KLHL1: variants seen among roughly 807,000 people sequenced by gnomAD.
KLHL1 encodes the protein kelch like family member 1.
Under a neutral mutation model 77.7 loss-of-function variants are expected in KLHL1, and 47 were observed. The observed-to-expected ratio is 0.60, with a 90% CI of 0.48 to 0.77. The LOEUF (loss-of-function observed/expected upper bound fraction) is 0.77, where lower values mean the gene tolerates loss of function less well. Ranked by LOEUF, KLHL1 falls within the 30% of genes least tolerant of loss-of-function variation. KLHL1 has a pLI of 0.00. For synonymous variants in KLHL1, 360 were observed against 325.2 expected, an observed-to-expected ratio of 1.11 and a Z score of -1.15; for missense variants, 925 against 910.8, an observed-to-expected ratio of 1.02 and a Z score of -0.20.
At chr13:69,752,664 A>T (rs932119630) in intron 7 of KLHL1, among the ~76,000 whole-genome samples, 1 of 152,180 alleles carries the variant, frequency 6.6e-6, no homozygotes, top group Non-Finnish European at 1.5e-5. Context: ...ACAAGCTCCA[A>T]TGGGAGATAT....
chr13:69,887,825 A>G (rs1230929117), intron 4 of KLHL1, among the ~76,000 whole-genome samples: 1 of 152,120 alleles, frequency 6.6e-6, no homozygotes, highest in African/African-American at 2.4e-5. Context: ...TGCCCTTTAC[A>G]GTTTGTTCAA....
chr13:69,871,188 G>A (rs887691794), intron 5 of KLHL1, among the ~76,000 whole-genome samples: 6 of 152,208 alleles, frequency 3.9e-5, no homozygotes, highest in South Asian at 2.1e-4. Context: ...TGTGCCCTCC[G>A]GAACAATGGC....
At chr13:69,875,894 G>A (rs1245679859) in intron 5 of KLHL1, among the ~76,000 whole-genome samples, 1 of 151,632 alleles carries the variant, frequency 6.6e-6, no homozygotes, top group Non-Finnish European at 1.5e-5. Flanking sequence ...TTGTAGAGAA[G>A]ACTATCTCAA....
intron 6 of KLHL1, among the ~76,000 whole-genome samples, chr13:69,808,096 AG>A (rs1877695392): frequency 6.6e-6 from 1 of 152,084 alleles, no homozygotes; most frequent in Non-Finnish European, 1.5e-5. Flanking sequence ...ACACCACTGA[AG>A]CCCAGGAATG....
intron 8 of KLHL1, among the ~76,000 whole-genome samples, chr13:69,727,306 T>G (rs1873342446): frequency 6.6e-6 from 1 of 152,184 alleles, no homozygotes; most frequent in African/African-American, 2.4e-5. Flanking sequence ...CATAGAGAGC[T>G]AGACTTGGGT....
At chr13:69,990,371 G>T (rs1380860343) in intron 1 of KLHL1, among the ~76,000 whole-genome samples, 1 of 151,960 alleles carries the variant, frequency 6.6e-6, no homozygotes, top group Non-Finnish European at 1.5e-5. Context: ...AAGGCAAAGA[G>T]TGGCAAGCTG....
intron 6 of KLHL1, among the ~76,000 whole-genome samples, chr13:69,815,905 A>T (rs1012423220): frequency 6.6e-6 from 1 of 152,056 alleles, no homozygotes; most frequent in Non-Finnish European, 1.5e-5. Context: ...CAAATAGAGA[A>T]ATAAAAAACT....
At chr13:69,747,105 T>G (rs1036873812) in intron 7 of KLHL1, among the ~76,000 whole-genome samples, 2 of 152,054 alleles carry the variant, frequency 1.3e-5, no homozygotes, top group Non-Finnish European at 2.9e-5. Flanking sequence ...CTCTTTCACA[T>G]CTTGTTCTCA....
intron 5 of KLHL1, among the ~76,000 whole-genome samples, chr13:69,851,363 CTT>C (rs1879683216): frequency 6.6e-6 from 1 of 151,698 alleles, no homozygotes; most frequent in Non-Finnish European, 1.5e-5. Flanking sequence ...TGTAGGTCAT[CTT>C]TGCAAACTCA....
At chr13:69,993,949 G>T (rs1231746945) in intron 1 of KLHL1, among the ~76,000 whole-genome samples, 5 of 152,014 alleles carry the variant, frequency 3.3e-5, no homozygotes, top group African/African-American at 9.7e-5. Flanking sequence ...GGAATATAGA[G>T]CTGATAAAGG....
chr13:69,824,003 CAT>C lies in KLHL1; in HGVS notation c.1414+14971_1414+14972del, dbSNP rs1051231502. Among the ~76,000 whole-genome samples the C allele has an allele frequency of 2.0e-5, 3 of 151,588 alleles. No homozygotes were observed. The South Asian group carries it at 6.2e-4, about 32-fold the overall frequency. The stretch of plus-strand genomic sequence containing the variant: ...GTGTGTGTATATATATGTATATGTG[CAT>C]ATATATATGTATATAATAGTCTACG... On this transcript the variant is annotated intron_variant, in intron 6 of 10. Coordinates refer to ENST00000377844, the MANE Select transcript of KLHL1 (RefSeq NM_020866.3).
At chr13:69,990,616 C>A (rs557659157) in intron 1 of KLHL1, among the ~76,000 whole-genome samples, 21 of 151,872 alleles carry the variant, frequency 1.4e-4, no homozygotes, top group African/African-American at 5.1e-4. Flanking sequence ...AACAAGAAGA[C>A]CTAACTATCC....
chr13:69,975,539 A>C (rs2137291549), intron 2 of KLHL1, 81 bp downstream of exon 2: 1 of 1,184,312 alleles, frequency 8.4e-7, no homozygotes, highest in Non-Finnish European at 1.2e-6. Context: ...CTGTAGTCAT[A>C]TAATATTCTG....
At chr13:69,977,695 T>C (rs1292694359) in intron 1 of KLHL1, among the ~76,000 whole-genome samples, 3 of 152,082 alleles carry the variant, frequency 2.0e-5, no homozygotes, top group Non-Finnish European at 2.9e-5. Flanking sequence ...ATACACTGAT[T>C]TGGAAAACAT....
At chr13:69,712,978 T>G (rs915372391) in intron 9 of KLHL1, among the ~76,000 whole-genome samples, 5 of 151,788 alleles carry the variant, frequency 3.3e-5, no homozygotes, top group African/African-American at 1.2e-4. Flanking sequence ...CCTAGCTAAT[T>G]TTTTATTTTT....
intron 8 of KLHL1, among the ~76,000 whole-genome samples, chr13:69,723,311 G>T (rs1873152195): frequency 6.6e-6 from 1 of 152,090 alleles, no homozygotes; most frequent in Non-Finnish European, 1.5e-5. Flanking sequence ...TGAATAGCTA[G>T]AAGAGAGGAT....
intron 9 of KLHL1, among the ~76,000 whole-genome samples, chr13:69,709,651 AAAAT>A (rs1391798879): frequency 1.7e-5 from 1 of 59,648 alleles, no homozygotes; most frequent in African/African-American, 4.1e-5. Context: ...GTTACATTAA[AAAAT>A]AAAGTCATTA....
intron 4 of KLHL1, among the ~76,000 whole-genome samples, chr13:69,924,624 G>A (rs914138977): frequency 2.6e-5 from 4 of 152,136 alleles, no homozygotes; most frequent in Non-Finnish European, 2.9e-5. Context: ...TCCTGGGCAC[G>A]GGACAAGAAC....
intron 8 of KLHL1, among the ~76,000 whole-genome samples, chr13:69,732,069 G>T (rs1188236547): frequency 6.6e-6 from 1 of 152,024 alleles, no homozygotes; most frequent in Non-Finnish European, 1.5e-5. Context: ...GGAAGGAGGG[G>T]AGTCAAATAA....
Sources: gnomAD v4.1 joint callset for allele counts (sites outside exome capture counted in the v4.1 genomes callset) on GRCh38, gnomAD v4.1.1 for gene constraint, MANE v1.5 for transcripts, NCBI Gene and HGNC (gene_info 2026-07-23, HGNC 2026-07-21) for gene names.